Variants in MAGI2 observed in about 807,000 individuals in gnomAD.
The protein encoded by MAGI2 is membrane-associated guanylate kinase, WW and PDZ domain-containing protein 2.
Under a neutral mutation model 133.3 loss-of-function variants are expected in MAGI2, and 35 were observed. The ratio of observed to expected loss-of-function variants is 0.26; its 90% CI spans 0.20 to 0.35. The LOEUF (loss-of-function observed/expected upper bound fraction) is 0.35. Among genes scored for constraint, MAGI2 ranks in the 10% least tolerant of loss-of-function variants. The pLI is 1.00. For missense variants in MAGI2, 1,636 were observed against 1,863.4 expected, an observed-to-expected ratio of 0.88 and a Z score of 2.25; for synonymous variants, 729 against 710.6, an observed-to-expected ratio of 1.03 and a Z score of -0.41.
chr7:78,033,533 G>A (rs557467103), intron 21 of MAGI2, among the ~76,000 whole-genome samples: 3 of 151,856 alleles, frequency 2.0e-5, no homozygotes, highest in African/African-American at 7.2e-5. Flanking sequence ...CTTGTGCAAG[G>A]CACTGGAGAA....
intron 2 of MAGI2, among the ~76,000 whole-genome samples, chr7:78,674,092 G>A (rs546845537): frequency 6.6e-6 from 1 of 152,244 alleles, no homozygotes; most frequent in South Asian, 2.1e-4. Context: ...ATGTTGAGCA[G>A]TCAACAATTT....
At chr7:79,299,052 C>A (rs17152192) in intron 1 of MAGI2, among the ~76,000 whole-genome samples, 24,122 of 152,016 alleles carry the variant, frequency 0.16, 2,012 homozygotes, top group South Asian at 0.26. Context: ...TGCCACATAA[C>A]GTTTTAATTT....
At chr7:79,111,671 G>T (rs2129543937) in intron 1 of MAGI2, among the ~76,000 whole-genome samples, 1 of 152,134 alleles carries the variant, frequency 6.6e-6, no homozygotes, top group East Asian at 1.9e-4. Context: ...TTGTTTGTTT[G>T]TTTGTTTGTT....
At chr7:78,506,233 A>G (rs1453306918) in intron 4 of MAGI2, among the ~76,000 whole-genome samples, 3 of 152,144 alleles carry the variant, frequency 2.0e-5, no homozygotes, top group African/African-American at 2.4e-5. Context: ...ATAACCTGCC[A>G]TGGTGGGTGG....
intron 1 of MAGI2, among the ~76,000 whole-genome samples, chr7:79,019,190 A>T (rs1260776200): frequency 6.6e-6 from 1 of 152,144 alleles, no homozygotes; most frequent in Non-Finnish European, 1.5e-5. Flanking sequence ...TACCAACCAC[A>T]ATTTTGGACC....
chr7:78,833,863 T>C (rs1314468518), intron 2 of MAGI2, among the ~76,000 whole-genome samples: 1 of 152,220 alleles, frequency 6.6e-6, no homozygotes, highest in Non-Finnish European at 1.5e-5. Flanking sequence ...TGATCACTTC[T>C]AGCTGTTAGG....
intron 1 of MAGI2, among the ~76,000 whole-genome samples, chr7:79,030,630 CAAA>C (rs1440931676): frequency 1.3e-5 from 2 of 152,058 alleles, no homozygotes; most frequent in Non-Finnish European, 2.9e-5. Flanking sequence ...TGGATGAACA[CAAA>C]AGAAGGTAAC....
At chr7:78,055,043 C>T (rs931276694) in intron 21 of MAGI2, among the ~76,000 whole-genome samples, 1 of 152,034 alleles carries the variant, frequency 6.6e-6, no homozygotes, top group African/African-American at 2.4e-5. Flanking sequence ...GCTGGGATTA[C>T]AGGCGTGTGT....
At chr7:79,052,657 C>T (rs1324213904) in intron 1 of MAGI2, among the ~76,000 whole-genome samples, 5 of 151,958 alleles carry the variant, frequency 3.3e-5, no homozygotes, top group Non-Finnish European at 5.9e-5. Flanking sequence ...ATATTAGAAA[C>T]CTAAGGTAAT....
At chr7:79,223,136 C>T (rs1053625533) in intron 1 of MAGI2, among the ~76,000 whole-genome samples, 2 of 152,018 alleles carry the variant, frequency 1.3e-5, no homozygotes, top group Non-Finnish European at 2.9e-5. Context: ...CCACCCGCCT[C>T]GGCCTCCCAA....
At chr7:78,370,230 T>C (rs1294965270) in intron 6 of MAGI2, among the ~76,000 whole-genome samples, 6 of 152,128 alleles carry the variant, frequency 3.9e-5, no homozygotes, top group African/African-American at 1.4e-4. Context: ...TCTATGCATA[T>C]GTGTGCACAT....
intron 9 of MAGI2, among the ~76,000 whole-genome samples, chr7:78,323,964 A>G (rs140901197): frequency 2.2e-4 from 34 of 152,270 alleles, no homozygotes; most frequent in Non-Finnish European, 1.6e-4. Context: ...TGAAATTTCT[A>G]TACGTTCTGT....
intron 10 of MAGI2, among the ~76,000 whole-genome samples, chr7:78,204,899 T>C (rs1829591894): frequency 6.6e-6 from 1 of 152,206 alleles, no homozygotes. Context: ...TGCGTTTTAA[T>C]ATAAAGCACA....
intron 2 of MAGI2, among the ~76,000 whole-genome samples, chr7:78,802,283 A>C (rs186795931): frequency 1.3e-5 from 2 of 152,180 alleles, no homozygotes; most frequent in African/African-American, 4.8e-5. Flanking sequence ...TACATTCATG[A>C]GTGTTTTTTT....
At chr7:79,348,420 T>G (rs901228959) in intron 1 of MAGI2, among the ~76,000 whole-genome samples, 2 of 151,910 alleles carry the variant, frequency 1.3e-5, no homozygotes, top group African/African-American at 4.8e-5. Flanking sequence ...TATTAAATTT[T>G]TTGATGCTAG....
chr7:78,623,932 T>C (rs1038921768), intron 3 of MAGI2, among the ~76,000 whole-genome samples: 2 of 152,052 alleles, frequency 1.3e-5, no homozygotes, highest in African/African-American at 4.8e-5. Context: ...TTGTGGATGT[T>C]AGTATAACAA....
chr7:79,230,324 G>A (rs1831252237), intron 1 of MAGI2, among the ~76,000 whole-genome samples: 1 of 152,078 alleles, frequency 6.6e-6, no homozygotes, highest in Non-Finnish European at 1.5e-5. Flanking sequence ...GGATGGCTGA[G>A]TCAAATGGTA....
At position 79,367,856 on chromosome 7, in the gene MAGI2, G is replaced by GACACACACACACAC. The variant is rs1183514493; in HGVS notation, c.301+85163_301+85164insGTGTGTGTGTGTGT. ...GTCATATATATATGCTTATATATGT[G>GACACACACACACAC]ACATATATATATATATATATGTCAT... On this transcript the variant is annotated intron_variant, in intron 1 of 21. Coordinates refer to ENST00000354212, the MANE Select transcript of MAGI2 (RefSeq NM_012301.4). 6.0e-3 allele frequency among the ~76,000 whole-genome samples: 421 copies of GACACACACACACAC among 69,928 alleles called. 16 individuals carry two copies. The highest frequency in any genetic ancestry group is 0.032 in the African/African-American group (393 of 12,134). 45.9% of individuals were successfully genotyped at this position (69,928 alleles called of 152,430 possible).
chr7:78,024,541 A>T (rs979127182), intron 21 of MAGI2, among the ~76,000 whole-genome samples: 3 of 152,158 alleles, frequency 2.0e-5, no homozygotes, highest in African/African-American at 7.2e-5. Flanking sequence ...TTACTGCACA[A>T]ATACAACCCA....
Sources: allele counts gnomAD v4.1 joint callset (sites outside exome capture counted in the v4.1 genomes callset), GRCh38; gene constraint gnomAD v4.1.1; transcripts MANE v1.5; gene names NCBI Gene and HGNC (gene_info 2026-07-23, HGNC 2026-07-21).